The following ZNF521 variants were observed in gnomAD, a reference collection of about 807,000 sequenced individuals.
ZNF521 encodes zinc finger protein 521, also known as LYST-interacting protein 3.
Under a neutral mutation model 105.5 loss-of-function variants are expected in ZNF521, and 14 were observed. The ratio of observed to expected loss-of-function variants is 0.13; its 90% CI spans 0.09 to 0.21. ZNF521 has a LOEUF of 0.21. Ranked by LOEUF, ZNF521 falls within the 10% of genes least tolerant of loss-of-function variation. The pLI, the probability that ZNF521 is intolerant of heterozygous loss-of-function variation, is 1.00. For missense variants in ZNF521, 1,233 were observed against 1,629.7 expected, an observed-to-expected ratio of 0.76 and a Z score of 4.19; for synonymous variants, 635 against 606.0, an observed-to-expected ratio of 1.05 and a Z score of -0.70.
chr18:25,351,932 G>A (rs1295677234), intron 1 of ZNF521, 73 bp downstream of exon 1: 2 of 296,420 alleles, frequency 6.7e-6, no homozygotes, highest in Non-Finnish European at 1.4e-5. Flanking sequence ...GAGAGCAGGA[G>A]GAGGAGGAGG....
intron 4 of ZNF521, among the ~76,000 whole-genome samples, chr18:25,214,012 T>G (rs953009778): frequency 6.6e-6 from 1 of 152,152 alleles, no homozygotes; most frequent in African/African-American, 2.4e-5. Context: ...GTAGTAATCT[T>G]AAGTATACTG....
chr18:25,153,759 A>G (rs984486216), intron 5 of ZNF521, among the ~76,000 whole-genome samples: 1 of 152,104 alleles, frequency 6.6e-6, no homozygotes, highest in Admixed American at 6.6e-5. Flanking sequence ...CTTTAGCATG[A>G]TTGCTTTTTT....
intron 3 of ZNF521, among the ~76,000 whole-genome samples, chr18:25,318,175 C>G (rs897452618): frequency 1.3e-5 from 2 of 152,114 alleles, no homozygotes; most frequent in Admixed American, 6.5e-5. Flanking sequence ...ATGAATGGAT[C>G]TCATAGACAT....
At chr18:25,073,822 A>G (rs2033283185) in intron 7 of ZNF521, among the ~76,000 whole-genome samples, 1 of 152,160 alleles carries the variant, frequency 6.6e-6, no homozygotes, top group African/African-American at 2.4e-5. Context: ...CTAGGAGGTA[A>G]ACTCACATTA....
chr18:25,118,138 T>C (rs1196139328), intron 5 of ZNF521, among the ~76,000 whole-genome samples: 1 of 152,082 alleles, frequency 6.6e-6, no homozygotes, highest in African/African-American at 2.4e-5. Flanking sequence ...GACTAATGCC[T>C]TTAAGGTATT....
At chr18:25,239,344 T>C (rs1907144945) in intron 3 of ZNF521, among the ~76,000 whole-genome samples, 1 of 152,214 alleles carries the variant, frequency 6.6e-6, no homozygotes, top group South Asian at 2.1e-4. Context: ...TGGTATTACA[T>C]GCTTAGGAAA....
At chr18:25,080,322 A>G (rs2033465398) in intron 7 of ZNF521, among the ~76,000 whole-genome samples, 1 of 152,176 alleles carries the variant, frequency 6.6e-6, no homozygotes, top group South Asian at 2.1e-4. Context: ...TGCTGTTCTA[A>G]ATGACAGCAC....
At chr18:25,223,138 A>C (rs1352469714) in intron 4 of ZNF521, among the ~76,000 whole-genome samples, 1 of 152,246 alleles carries the variant, frequency 6.6e-6, no homozygotes, top group African/African-American at 2.4e-5. Flanking sequence ...AAACAATTTG[A>C]TCCAACCCAT....
intron 5 of ZNF521, among the ~76,000 whole-genome samples, chr18:25,095,937 A>G (rs1168643335): frequency 6.6e-6 from 1 of 152,114 alleles, no homozygotes; most frequent in Non-Finnish European, 1.5e-5. Context: ...GTGCCTAGCA[A>G]TGGGGGTCCA....
At chr18:25,116,492 A>G (rs2034304935) in intron 5 of ZNF521, among the ~76,000 whole-genome samples, 1 of 152,152 alleles carries the variant, frequency 6.6e-6, no homozygotes, top group Non-Finnish European at 1.5e-5. Flanking sequence ...AAATCTCCAC[A>G]TTCTCTAGGA....
intron 3 of ZNF521, among the ~76,000 whole-genome samples, chr18:25,287,447 A>G (rs901327104): frequency 6.6e-6 from 1 of 152,116 alleles, no homozygotes; most frequent in African/African-American, 2.4e-5. Context: ...AAAAAACATT[A>G]TGTGTCCCCT....
At chr18:25,090,735 C>T (rs1254176384) in intron 6 of ZNF521, among the ~76,000 whole-genome samples, 1 of 152,092 alleles carries the variant, frequency 6.6e-6, no homozygotes, top group African/African-American at 2.4e-5. Flanking sequence ...ACATGAAAGA[C>T]CTATTTTATT....
intron 4 of ZNF521, among the ~76,000 whole-genome samples, chr18:25,199,780 C>G (rs781776128): frequency 1.3e-5 from 2 of 152,058 alleles, no homozygotes; most frequent in Non-Finnish European, 2.9e-5. Flanking sequence ...GACTCCTTCA[C>G]TTGATATGCA....
intron 4 of ZNF521, among the ~76,000 whole-genome samples, chr18:25,213,897 A>G (rs1019501280): frequency 2.0e-5 from 3 of 152,076 alleles, no homozygotes; most frequent in African/African-American, 7.2e-5. Context: ...TAAATTCTCT[A>G]CCATTAGCAT....
intron 2 of ZNF521, among the ~76,000 whole-genome samples, chr18:25,330,444 G>A (rs910941332): frequency 3.3e-5 from 5 of 151,960 alleles, no homozygotes; most frequent in East Asian, 1.9e-4. Flanking sequence ...GATTACAGGC[G>A]TGAGCCACCA....
intron 2 of ZNF521, among the ~76,000 whole-genome samples, chr18:25,335,096 G>A (rs1425570653): frequency 6.6e-6 from 1 of 152,174 alleles, no homozygotes; most frequent in East Asian, 1.9e-4. Context: ...AAAGCACTGA[G>A]ACATTCCACT....
At chr18:25,109,421 C>T (rs1033767580) in intron 5 of ZNF521, among the ~76,000 whole-genome samples, 9 of 152,122 alleles carry the variant, frequency 5.9e-5, no homozygotes, top group African/African-American at 1.7e-4. Flanking sequence ...AACACAGGTA[C>T]GCAGGTGTCT....
chr18:25,079,156 A>G (rs2033433130), intron 7 of ZNF521, among the ~76,000 whole-genome samples: 1 of 152,254 alleles, frequency 6.6e-6, no homozygotes, highest in Admixed American at 6.5e-5. Flanking sequence ...AGATGGCGCC[A>G]GTGCGTGGGG....
chr18:25,277,182 CAAAA>C (rs34657167), intron 3 of ZNF521, among the ~76,000 whole-genome samples: 1 of 82,502 alleles, frequency 1.2e-5, no homozygotes, highest in Admixed American at 1.3e-4. Flanking sequence ...GACTCCGTCT[CAAAA>C]AAAAAAAAAA....
Sources: gnomAD v4.1 joint callset for allele counts (sites outside exome capture counted in the v4.1 genomes callset) on GRCh38, gnomAD v4.1.1 for gene constraint, MANE v1.5 for transcripts, NCBI Gene and HGNC (gene_info 2026-07-23, HGNC 2026-07-21) for gene names.